Variants in ROBO1 observed in about 807,000 individuals in gnomAD.
ROBO1 encodes roundabout guidance receptor 1, also known as roundabout homolog 1.
Under a neutral mutation model 195.9 loss-of-function variants are expected in ROBO1, and 149 were observed. That is an observed-to-expected ratio of 0.76 (90% CI 0.67 to 0.87). The LOEUF is 0.87. ROBO1 is among the 40% of genes least tolerant of loss of function. ROBO1 has a pLI of 0.00. For synonymous variants in ROBO1, 816 were observed against 733.2 expected (o/e 1.11, Z -1.82); for missense variants, 1,933 against 2,068.3 (o/e 0.93, Z 1.27).
At chr3:79,473,441 G>GT (rs148324330) in intron 2 of ROBO1, among the ~76,000 whole-genome samples, 6 of 152,004 alleles carry the variant, frequency 3.9e-5, no homozygotes, top group Non-Finnish European at 7.4e-5. Flanking sequence ...AATCATATTT[G>GT]TTTTTTTGTT....
chr3:79,219,650 A>T (rs2082105164), intron 2 of ROBO1, among the ~76,000 whole-genome samples: 1 of 152,030 alleles, frequency 6.6e-6, no homozygotes, highest in Non-Finnish European at 1.5e-5. Context: ...GCTCTTGTGA[A>T]CAGTGCTGTT....
intron 1 of ROBO1, among the ~76,000 whole-genome samples, chr3:79,610,565 T>G (rs1011281872): frequency 2.6e-5 from 4 of 152,020 alleles, no homozygotes; most frequent in African/African-American, 9.7e-5. Flanking sequence ...ATTCAAATAC[T>G]GATACAAGTT....
At chr3:78,854,285 G>A (rs192805408) in intron 4 of ROBO1, among the ~76,000 whole-genome samples, 87 of 147,174 alleles carry the variant, frequency 5.9e-4, no homozygotes, top group Non-Finnish European at 9.8e-4. Context: ...TCAATATGAT[G>A]TATTATATAT....
chr3:78,764,110 G>GA (rs2083171414), intron 4 of ROBO1, among the ~76,000 whole-genome samples: 1 of 152,026 alleles, frequency 6.6e-6, no homozygotes, highest in Non-Finnish European at 1.5e-5. Flanking sequence ...TCATTAAACA[G>GA]AAAAAAATAT....
At chr3:79,108,018 TA>T (rs2079816985) in intron 3 of ROBO1, among the ~76,000 whole-genome samples, 1 of 151,766 alleles carries the variant, frequency 6.6e-6, no homozygotes, top group South Asian at 2.1e-4. Context: ...TTAATACCAG[TA>T]ATACACCATA....
chr3:79,608,964 C>T (rs1024009954), intron 1 of ROBO1, among the ~76,000 whole-genome samples: 13 of 151,908 alleles, frequency 8.6e-5, no homozygotes, highest in Non-Finnish European at 1.8e-4. Flanking sequence ...AGATGTCTTA[C>T]AGTGTTACCT....
At chr3:79,028,173 T>C (rs924332432) in intron 3 of ROBO1, among the ~76,000 whole-genome samples, 1 of 152,066 alleles carries the variant, frequency 6.6e-6, no homozygotes, top group Admixed American at 6.6e-5. Context: ...AACATATTTC[T>C]AGAGCATTTG....
intron 1 of ROBO1, among the ~76,000 whole-genome samples, chr3:79,754,970 T>C (rs1420522666): frequency 6.6e-6 from 1 of 152,168 alleles, no homozygotes. Flanking sequence ...AACCTCTGCC[T>C]CCCAGGTTCA....
At chr3:78,958,287 C>A (rs941057783) in intron 3 of ROBO1, among the ~76,000 whole-genome samples, 4 of 152,138 alleles carry the variant, frequency 2.6e-5, no homozygotes, top group Admixed American at 2.6e-4. Context: ...AAGGTGATTT[C>A]TAATGTACAC....
At chr3:79,529,452 G>A (rs199862582) in intron 2 of ROBO1, among the ~76,000 whole-genome samples, 3 of 152,172 alleles carry the variant, frequency 2.0e-5, no homozygotes, top group Non-Finnish European at 4.4e-5. Context: ...ACTCCAGCCT[G>A]GGCGACAGAG....
chr3:78,854,024 G>T lies in ROBO1; in HGVS notation c.499+84577C>A, dbSNP rs1409038444. 2.0e-5 allele frequency among the ~76,000 whole-genome samples: 3 copies of T among 152,022 alleles called. No homozygotes were observed. In the East Asian group the frequency reaches 5.8e-4, roughly 29 times the overall value. ...CTACAATTCAAGATGAGATTTGGGT[G>T]GGGACACAGCCAATCCATATCAAAC... On this transcript the variant is annotated intron_variant, in intron 4 of 30. Transcript: ENST00000464233.
At chr3:79,363,907 C>A (rs769005178) in intron 2 of ROBO1, among the ~76,000 whole-genome samples, 1 of 152,062 alleles carries the variant, frequency 6.6e-6, no homozygotes, top group Non-Finnish European at 1.5e-5. Context: ...ATATAGACCA[C>A]GGTCCAAATC....
At chr3:78,936,664 T>C (rs1479323810) in intron 4 of ROBO1, among the ~76,000 whole-genome samples, 1 of 151,954 alleles carries the variant, frequency 6.6e-6, no homozygotes, top group African/African-American at 2.4e-5. Flanking sequence ...TGTAAGTATA[T>C]GGGGGAGGGT....
At chr3:78,913,126 G>A (rs1473053399) in intron 4 of ROBO1, among the ~76,000 whole-genome samples, 1 of 152,112 alleles carries the variant, frequency 6.6e-6, no homozygotes, top group Non-Finnish European at 1.5e-5. Context: ...CCAACAAATG[G>A]AGATGGTTAA....
intron 4 of ROBO1, among the ~76,000 whole-genome samples, chr3:78,876,398 G>A (rs142161125): frequency 4.7e-4 from 72 of 152,172 alleles, no homozygotes; most frequent in Non-Finnish European, 5.9e-4. Flanking sequence ...TTGATTATGT[G>A]TTGTGCTTAT....
intron 2 of ROBO1, among the ~76,000 whole-genome samples, chr3:79,263,900 T>G (rs1273710682): frequency 6.6e-6 from 1 of 152,090 alleles, no homozygotes; most frequent in African/African-American, 2.4e-5. Context: ...TGAGTCATTT[T>G]TAGTTATTCT....
chr3:79,592,729 G>A (rs894822096), intron 1 of ROBO1, among the ~76,000 whole-genome samples: 2 of 151,900 alleles, frequency 1.3e-5, no homozygotes, highest in Non-Finnish European at 2.9e-5. Context: ...TGATCAACCT[G>A]CATTGACACA....
At chr3:79,720,574 A>C (rs1391117851) in intron 1 of ROBO1, among the ~76,000 whole-genome samples, 3 of 152,168 alleles carry the variant, frequency 2.0e-5, no homozygotes, top group African/African-American at 7.2e-5. Flanking sequence ...TACTGGAAAA[A>C]TGTGTTTCTC....
chr3:79,415,052 C>T (rs1168001337), intron 2 of ROBO1, among the ~76,000 whole-genome samples: 1 of 152,160 alleles, frequency 6.6e-6, no homozygotes, highest in Non-Finnish European at 1.5e-5. Context: ...TCTCATTCTT[C>T]CTAAGTGAAA....
Sources: allele counts gnomAD v4.1 joint callset (sites outside exome capture counted in the v4.1 genomes callset), GRCh38; gene constraint gnomAD v4.1.1; transcripts MANE v1.5; gene names NCBI Gene and HGNC (gene_info 2026-07-23, HGNC 2026-07-21).